PCDH15: variants seen among roughly 807,000 people sequenced by gnomAD.
The protein encoded by PCDH15 is protocadherin-15.
PCDH15 carries 129 observed loss-of-function variants against 178.5 expected under a neutral mutation model. That is an observed-to-expected ratio of 0.72 (90% CI 0.63 to 0.84). The LOEUF is 0.84. Ranked by LOEUF, PCDH15 falls within the 40% of genes least tolerant of loss-of-function variation. PCDH15 has a pLI of 0.00. For missense variants in PCDH15, 2,230 were observed against 2,099.9 expected (o/e 1.06, Z -1.21); for synonymous variants, 800 against 732.0 (o/e 1.09, Z -1.50).
chr10:54,767,636 T>C (rs1948663907), intron 1 of PCDH15, among the ~76,000 whole-genome samples: 3 of 152,186 alleles, frequency 2.0e-5, no homozygotes, highest in Non-Finnish European at 4.4e-5. Flanking sequence ...ATAAATTACA[T>C]TGGTAGTATG....
chr10:54,622,186 T>C (rs774608349), intron 2 of PCDH15, among the ~76,000 whole-genome samples: 4 of 151,706 alleles, frequency 2.6e-5, no homozygotes, highest in Non-Finnish European at 4.4e-5. Flanking sequence ...TATTTTAGTG[T>C]CTGAATCTGT....
At chr10:55,158,728 A>G (rs78388009) in intron 2 of PCDH15, among the ~76,000 whole-genome samples, 10,500 of 151,758 alleles carry the variant, frequency 0.069, 798 homozygotes, top group African/African-American at 0.19. Context: ...AAGAAAAAAG[A>G]AAAAAACAAA....
Position 53,827,437 on chromosome 10 carries a change from AGGC to A in PCDH15, c.4320_4322del (p.Pro1443del), listed in dbSNP as rs559130985. On this transcript the variant is annotated inframe_deletion, in exon 32 of 38. Coordinates refer to ENST00000644397, the MANE Select transcript of PCDH15 (RefSeq NM_001384140.1). ...CTTCATAGAGATGCGCACCTGGCGGAGGCGGCGGCGGCGGCGGGGGCGCTGCCA... is the reference window on the plus strand; with the variant it reads ...CTTCATAGAGATGCGCACCTGGCGGAGGCGGCGGCGGCGGGGGCGCTGCCA... The A allele has an allele frequency of 2.9e-5, 46 of 1,607,360 alleles. No individual in the cohort carries two copies. Among genetic ancestry groups the A allele is most frequent in the Middle Eastern group, 1.6e-4 (1 of 6,066 alleles).
At chr10:55,051,372 G>A (rs1024190470) in intron 2 of PCDH15, among the ~76,000 whole-genome samples, 2 of 152,010 alleles carry the variant, frequency 1.3e-5, no homozygotes, top group Admixed American at 6.6e-5. Flanking sequence ...CTGCATTAAT[G>A]TATTTTAATA....
intron 2 of PCDH15, among the ~76,000 whole-genome samples, chr10:54,543,177 C>T (rs151016190): frequency 7.0e-4 from 106 of 152,294 alleles, no homozygotes; most frequent in African/African-American, 2.5e-3. Flanking sequence ...TGGCTGAGAG[C>T]TACTTCCACT....
intron 1 of PCDH15, among the ~76,000 whole-genome samples, chr10:55,200,383 G>T (rs1203182308): frequency 6.6e-6 from 1 of 152,086 alleles, no homozygotes; most frequent in African/African-American, 2.4e-5. Flanking sequence ...AATTTCTCCT[G>T]TCTGGAATGG....
intron 1 of PCDH15, among the ~76,000 whole-genome samples, chr10:54,727,577 C>A (rs1182482835): frequency 1.3e-5 from 2 of 151,256 alleles, no homozygotes; most frequent in Admixed American, 6.6e-5. Flanking sequence ...TAGAAGAAGA[C>A]AAGAAATAAC....
chr10:53,986,583 C>A (rs935685344), intron 21 of PCDH15, among the ~76,000 whole-genome samples: 5 of 152,130 alleles, frequency 3.3e-5, no homozygotes, highest in Non-Finnish European at 5.9e-5. Context: ...ACTAAATGTT[C>A]ATTGATGGAT....
At chr10:55,366,989 G>A (rs1432582939) in intron 2 of PCDH15, among the ~76,000 whole-genome samples, 1 of 151,306 alleles carries the variant, frequency 6.6e-6, no homozygotes, top group Non-Finnish European at 1.5e-5. Context: ...AGAGTTAGAG[G>A]TAGGGTGTTT....
At chr10:55,148,238 C>T (rs1048989156) in intron 2 of PCDH15, among the ~76,000 whole-genome samples, 8 of 151,748 alleles carry the variant, frequency 5.3e-5, no homozygotes, top group African/African-American at 1.9e-4. Context: ...AGTGGCAAAA[C>T]ATTTTCGTTT....
chr10:54,593,761 G>C (rs530305378), intron 2 of PCDH15, among the ~76,000 whole-genome samples: 1 of 152,078 alleles, frequency 6.6e-6, no homozygotes, highest in East Asian at 1.9e-4. Flanking sequence ...GATTCCTTTT[G>C]GCTAGCATGG....
At chr10:54,152,264 T>C (rs560851139) in intron 14 of PCDH15, among the ~76,000 whole-genome samples, 4 of 152,174 alleles carry the variant, frequency 2.6e-5, no homozygotes, top group African/African-American at 7.2e-5. Context: ...AAAACTGATA[T>C]ACTTGCACAT....
At chr10:55,489,356 T>C (rs1840366513) in intron 2 of PCDH15, among the ~76,000 whole-genome samples, 2 of 151,656 alleles carry the variant, frequency 1.3e-5, no homozygotes, top group Non-Finnish European at 3.0e-5. Context: ...TCTGTCTTAA[T>C]ATACCATAAA....
rs145146790 is a variant in PCDH15 at position 54,130,975 on chromosome 10, T to C, written c.1917+1900A>G. On this transcript the variant is annotated intron_variant, in intron 15 of 37. Transcript: ENST00000644397. ...AAAAGTACCTTCATGGTATTACCCT[T>C]GTTCTTTCTAATAGAGACTGCCACT... Among the ~76,000 whole-genome samples, 468 of 152,332 alleles carry C rather than the reference T, an allele frequency of 3.1e-3. 3 individuals carry two copies. The highest frequency in any genetic ancestry group is 0.011 in the African/African-American group (437 of 41,586).
At chr10:55,159,044 A>G (rs1403595529) in intron 2 of PCDH15, among the ~76,000 whole-genome samples, 8 of 152,032 alleles carry the variant, frequency 5.3e-5, no homozygotes, top group African/African-American at 1.9e-4. Flanking sequence ...CATTTTAAAA[A>G]TGATGAAAGG....
intron 4 of PCDH15, among the ~76,000 whole-genome samples, chr10:54,374,116 G>A (rs775460121): frequency 1.3e-5 from 2 of 152,062 alleles, no homozygotes; most frequent in African/African-American, 4.8e-5. Context: ...TCTGGTTGTA[G>A]AATAGGTTGA....
chr10:54,539,562 A>G (rs1444733223), intron 2 of PCDH15, among the ~76,000 whole-genome samples: 1 of 152,206 alleles, frequency 6.6e-6, no homozygotes, highest in Non-Finnish European at 1.5e-5. Context: ...ACAACATTAG[A>G]CAAATCATTG....
intron 2 of PCDH15, among the ~76,000 whole-genome samples, chr10:54,915,195 G>A (rs1032739432): frequency 2.0e-5 from 3 of 152,182 alleles, no homozygotes; most frequent in African/African-American, 7.2e-5. Flanking sequence ...AAATTAGAGT[G>A]CTGTCATGAA....
intron 2 of PCDH15, among the ~76,000 whole-genome samples, chr10:54,571,985 C>A (rs2089910112): frequency 6.6e-6 from 1 of 152,046 alleles, no homozygotes; most frequent in South Asian, 2.1e-4. Flanking sequence ...GATCACAAAT[C>A]ATTTCTAAAA....
Sources: allele counts gnomAD v4.1 joint callset (sites outside exome capture counted in the v4.1 genomes callset), GRCh38; gene constraint gnomAD v4.1.1; transcripts MANE v1.5; gene names NCBI Gene and HGNC (gene_info 2026-07-23, HGNC 2026-07-21).